The following NBEA variants were observed in gnomAD, a reference collection of about 807,000 sequenced individuals.
NBEA encodes the protein lysosomal-trafficking regulator 2.
NBEA carries 44 observed loss-of-function variants against 343.4 expected under a neutral mutation model. The ratio of observed to expected loss-of-function variants is 0.13; its 90% confidence interval spans 0.10 to 0.16. The LOEUF (loss-of-function observed/expected upper bound fraction) is 0.16, where lower values mean the gene tolerates loss of function less well. Ranked by LOEUF, NBEA falls within the 10% of genes least tolerant of loss-of-function variation. The probability of loss-of-function intolerance (pLI) is 1.00; values close to 1 mark genes in which losing one functional copy is unlikely to be tolerated. For missense variants in NBEA, 2,555 were observed against 3,631.3 expected, an observed-to-expected ratio of 0.70 and a Z score of 7.62; for synonymous variants, 1,175 against 1,238.7, an observed-to-expected ratio of 0.95 and a Z score of 1.08.
intron 2 of NBEA, among the ~76,000 whole-genome samples, chr13:35,042,883 G>A: frequency 6.6e-6 from 1 of 151,720 alleles, no homozygotes; most frequent in Non-Finnish European, 1.5e-5. Flanking sequence ...ATATCTGAAT[G>A]TATTGTAGTA....
chr13:35,287,171 G>A (rs1485054004), intron 34 of NBEA, among the ~76,000 whole-genome samples: 1 of 151,944 alleles, frequency 6.6e-6, no homozygotes, highest in East Asian at 1.9e-4. Flanking sequence ...CTGCTAAGCT[G>A]TATGGCTTGC....
intron 39 of NBEA, among the ~76,000 whole-genome samples, chr13:35,434,870 A>T (rs1156864433): frequency 6.6e-6 from 1 of 152,236 alleles, no homozygotes; most frequent in Non-Finnish European, 1.5e-5. Context: ...AATAATTATT[A>T]CAAAGCACTT....
chr13:35,085,903 A>G (rs2064732008), intron 10 of NBEA, among the ~76,000 whole-genome samples: 1 of 152,172 alleles, frequency 6.6e-6, no homozygotes, highest in South Asian at 2.1e-4. Context: ...TACAAAATCA[A>G]TGTGCAGAAA....
At chr13:35,656,887 C>T (rs894015012) in intron 55 of NBEA, among the ~76,000 whole-genome samples, 1 of 152,128 alleles carries the variant, frequency 6.6e-6, no homozygotes, top group Non-Finnish European at 1.5e-5. Flanking sequence ...GCATCTACAA[C>T]TAAAATACTA....
intron 38 of NBEA, among the ~76,000 whole-genome samples, chr13:35,365,229 T>C (rs1341223802): frequency 6.6e-6 from 1 of 151,714 alleles, no homozygotes; most frequent in African/African-American, 2.4e-5. Context: ...TAGATTAGAA[T>C]TACATGAAAC....
At chr13:35,012,443 A>G (rs1470992331) in intron 1 of NBEA, among the ~76,000 whole-genome samples, 1 of 152,216 alleles carries the variant, frequency 6.6e-6, no homozygotes, top group African/African-American at 2.4e-5. Context: ...AGTTTCCAGT[A>G]TATGTCTTTT....
intron 48 of NBEA, among the ~76,000 whole-genome samples, chr13:35,618,991 T>C (rs2082859141): frequency 6.6e-6 from 1 of 151,852 alleles, no homozygotes; most frequent in Non-Finnish European, 1.5e-5. Flanking sequence ...GTGGCTCTGC[T>C]CATATTGTAT....
chr13:35,019,697 G>A (rs1447877418), intron 1 of NBEA, among the ~76,000 whole-genome samples: 1 of 152,034 alleles, frequency 6.6e-6, no homozygotes, highest in African/African-American at 2.4e-5. Flanking sequence ...AATAGATATA[G>A]GACTATTTAG....
intron 34 of NBEA, among the ~76,000 whole-genome samples, chr13:35,285,401 A>C (rs1175487715): frequency 6.6e-6 from 1 of 152,220 alleles, no homozygotes; most frequent in African/African-American, 2.4e-5. Context: ...TTTGATTTTT[A>C]AAATTCAGAT....
At chr13:35,355,250 T>C (rs1316240897) in intron 38 of NBEA, among the ~76,000 whole-genome samples, 3 of 152,096 alleles carry the variant, frequency 2.0e-5, no homozygotes, top group Non-Finnish European at 4.4e-5. Flanking sequence ...CAGCATGATA[T>C]ATAGTCTTTC....
At chr13:35,627,869 C>T (rs2083294199) in intron 48 of NBEA, among the ~76,000 whole-genome samples, 1 of 151,918 alleles carries the variant, frequency 6.6e-6, no homozygotes. Context: ...TCATTTAGGT[C>T]TCTGTACTTT....
At chr13:35,466,601 A>G (rs117337476) in intron 40 of NBEA, among the ~76,000 whole-genome samples, 4,544 of 152,224 alleles carry the variant, frequency 0.03, 105 homozygotes, top group Non-Finnish European at 0.045. Context: ...CTAGGTAGCC[A>G]GGACAATAGG....
At chr13:34,990,073 T>C (rs2152514869) in intron 1 of NBEA, among the ~76,000 whole-genome samples, 1 of 151,254 alleles carries the variant, frequency 6.6e-6, no homozygotes, top group East Asian at 1.9e-4. Context: ...TCCTTTAGCT[T>C]GGCATGGTAT....
chr13:35,294,158 G>A (rs1392715326), intron 35 of NBEA, among the ~76,000 whole-genome samples: 2 of 151,636 alleles, frequency 1.3e-5, no homozygotes, highest in East Asian at 3.9e-4. Context: ...TAAATAAAAA[G>A]AATTTTAGTG....
At chr13:35,368,325 C>T (rs2041242849) in intron 38 of NBEA, among the ~76,000 whole-genome samples, 1 of 151,350 alleles carries the variant, frequency 6.6e-6, no homozygotes, top group South Asian at 2.1e-4. Context: ...AAATAGTAAT[C>T]ATCTTATAAA....
chr13:35,541,320 CT>C (rs2078811912), intron 41 of NBEA, among the ~76,000 whole-genome samples: 1 of 151,906 alleles, frequency 6.6e-6, no homozygotes, highest in Non-Finnish European at 1.5e-5. Context: ...AAACTGTGAA[CT>C]CCTAGAGATC....
rs912499381 is a variant in NBEA at position 35,205,788 on chromosome 13, T to A, written c.5367-2912T>A. On this transcript the variant is annotated intron_variant, in intron 31 of 58. Transcript: ENST00000379939. ...GCTTAGAATATTCCATGGACTGTGC[T>A]AAGTACTTTATATGTGTTACCTCCT... Among the ~76,000 whole-genome samples the A allele has an allele frequency of 6.6e-5, 10 of 152,124 alleles. No individual in the cohort carries two copies. In the East Asian group the frequency reaches 1.9e-3, roughly 29 times the overall value.
At chr13:35,544,163 G>A (rs961787595) in intron 41 of NBEA, among the ~76,000 whole-genome samples, 1 of 152,118 alleles carries the variant, frequency 6.6e-6, no homozygotes, top group African/African-American at 2.4e-5. Flanking sequence ...AACTGTTGAG[G>A]CTGCAAGTGT....
chr13:35,669,263 T>C (rs1435424189), intron 58 of NBEA, among the ~76,000 whole-genome samples: 2 of 152,332 alleles, frequency 1.3e-5, no homozygotes, highest in Non-Finnish European at 1.5e-5. Flanking sequence ...GCCTTTAAAA[T>C]AAACTACAAC....
Sources: gnomAD v4.1 joint callset for allele counts (sites outside exome capture counted in the v4.1 genomes callset) on GRCh38, gnomAD v4.1.1 for gene constraint, MANE v1.5 for transcripts, NCBI Gene and HGNC (gene_info 2026-07-23, HGNC 2026-07-21) for gene names.